The following CCDC172 variants were observed in gnomAD, a reference collection of about 807,000 sequenced individuals.
CCDC172 encodes the protein coiled-coil domain-containing protein 172.
A neutral mutation model predicts 38.0 loss-of-function variants in CCDC172; 30 were observed. The ratio of observed to expected loss-of-function variants is 0.79; its 90% confidence interval spans 0.59 to 1.07. CCDC172 has a LOEUF of 1.07. CCDC172 is among the 50% of genes least tolerant of loss of function. The pLI is 0.00. For synonymous variants in CCDC172, 78 were observed against 88.3 expected, an observed-to-expected ratio of 0.88 and a Z score of 0.66; for missense variants, 297 against 290.1, an observed-to-expected ratio of 1.02 and a Z score of -0.17.
intron 8 of CCDC172, 24 bp from the exon 9 acceptor site, chr10:116,379,299 G>A (rs1312509645): frequency 6.7e-7 from 1 of 1,487,398 alleles, no homozygotes. Context: ...TTCCTCATGA[G>A]TAATTACTAT....
At chr10:116,356,015 C>T (rs968389895) in intron 5 of CCDC172, among the ~76,000 whole-genome samples, 1 of 151,978 alleles carries the variant, frequency 6.6e-6, no homozygotes, top group Non-Finnish European at 1.5e-5. Context: ...TAAAAGGAAC[C>T]AAAGGGGCTC....
At chr10:116,373,711 G>A (rs576734368) in intron 7 of CCDC172, among the ~76,000 whole-genome samples, 1 of 152,138 alleles carries the variant, frequency 6.6e-6, no homozygotes, top group East Asian at 1.9e-4. Context: ...CCCCATGTTG[G>A]CCAGGTCGGT....
At chr10:116,329,724 C>T (rs1005611790) in intron 3 of CCDC172, among the ~76,000 whole-genome samples, 18 of 152,142 alleles carry the variant, frequency 1.2e-4, no homozygotes, top group Admixed American at 1.2e-3. Context: ...GCAAAAGCAG[C>T]AGTGAGTAAA....
chr10:116,370,169 C>T (rs571256691), intron 7 of CCDC172, among the ~76,000 whole-genome samples: 7 of 149,088 alleles, frequency 4.7e-5, no homozygotes, highest in East Asian at 4.5e-4. Flanking sequence ...ACTTTACTTA[C>T]GGTGGTTTTT....
chr10:116,352,621 TGATAGA>T (rs1282873160), intron 5 of CCDC172, among the ~76,000 whole-genome samples: 1 of 152,108 alleles, frequency 6.6e-6, no homozygotes, highest in Non-Finnish European at 1.5e-5. Flanking sequence ...TTCCTCAATC[TGATAGA>T]GGGCATCTAT....
At chr10:116,325,778 C>G (rs764221014) in intron 3 of CCDC172, among the ~76,000 whole-genome samples, 1 of 152,202 alleles carries the variant, frequency 6.6e-6, no homozygotes, top group African/African-American at 2.4e-5. Context: ...AAATTTCAAA[C>G]AAGCCCCTGC....
At chr10:116,342,957 C>CTCT (rs914043153) in intron 5 of CCDC172, among the ~76,000 whole-genome samples, 165 of 152,024 alleles carry the variant, frequency 1.1e-3, no homozygotes, top group African/African-American at 3.7e-3. Flanking sequence ...AAGTAAATCT[C>CTCT]TCTTCTTCTT....
Position 116,325,326 on chromosome 10 carries a change from C to T in CCDC172, c.103C>T (p.Arg35Cys), listed in dbSNP as rs868026474. The change falls in exon 3 of 9, where the codon CGT becomes TGT. Residue 35 changes from arginine to cysteine, a missense_variant. Physicochemically the swap from Arg to Cys is radical, Grantham distance 180. Transcript: ENST00000333254. Reference protein sequence around the residue: ...REVRSEITRCREKIKKATEEL... With the variant: ...REVRSEITRCCEKIKKATEEL... ...AGTAAGGTCGGAAATAACCAGATGTCGTGAAAAAATTAAGAAAGCAACGGA... is the reference window on the plus strand; with the variant it reads ...AGTAAGGTCGGAAATAACCAGATGTTGTGAAAAAATTAAGAAAGCAACGGA... The T allele has an allele frequency of 2.5e-6, 4 of 1,612,810 alleles. No homozygotes were observed. Among genetic ancestry groups the T allele is most frequent in the East Asian group, 2.2e-5 (1 of 44,834 alleles).
intron 7 of CCDC172, among the ~76,000 whole-genome samples, chr10:116,367,297 G>A (rs934078936): frequency 6.6e-6 from 1 of 152,100 alleles, no homozygotes; most frequent in African/African-American, 2.4e-5. Context: ...ATGAGGTGAT[G>A]GATATACAAA....
chr10:116,329,931 A>G (rs768500699), intron 3 of CCDC172, among the ~76,000 whole-genome samples: 26 of 152,214 alleles, frequency 1.7e-4, no homozygotes, highest in Non-Finnish European at 3.4e-4. Context: ...ATTGTGTACG[A>G]TCACATGGGT....
intron 5 of CCDC172, 27 bp downstream of exon 5, chr10:116,342,228 CT>C (rs968397006): frequency 1.3e-6 from 2 of 1,506,200 alleles, no homozygotes; most frequent in African/African-American, 3.0e-5. Context: ...CCTCATTTGT[CT>C]TGCATTAATG....
At position 116,340,828 on chromosome 10, in the gene CCDC172, G is replaced by C. The variant is rs776516928; in HGVS notation, c.260G>C (p.Arg87Thr). ...CAGTACAGTGAAATTACAAACCATAGGAATATGCTTCTTCAAACCTTTGTA... is the reference window on the plus strand; with the variant it reads ...CAGTACAGTGAAATTACAAACCATACGAATATGCTTCTTCAAACCTTTGTA... ...EKQYSEITNH[R>T]NMLLQTFEAI... is the part of the protein sequence containing the mutation. The change falls in exon 4 of 9, where the codon AGG (arginine) becomes ACG (threonine). Residue 87 changes from arginine to threonine, a missense_variant. Coordinates refer to ENST00000333254, the MANE Select transcript of CCDC172 (RefSeq NM_198515.3). 1.2e-5 allele frequency: 19 copies of C among 1,571,628 alleles called. No individual in the cohort carries two copies. The highest frequency in any genetic ancestry group is 1.4e-5 in the Non-Finnish European group (16 of 1,145,268).
At chr10:116,334,382 A>G (rs1217149125) in intron 3 of CCDC172, among the ~76,000 whole-genome samples, 1 of 152,198 alleles carries the variant, frequency 6.6e-6, no homozygotes, top group East Asian at 1.9e-4. Flanking sequence ...AAATTATTCC[A>G]AAAATAGAAA....
At chr10:116,345,311 T>C (rs1170911112) in intron 5 of CCDC172, among the ~76,000 whole-genome samples, 1 of 152,150 alleles carries the variant, frequency 6.6e-6, no homozygotes, top group Non-Finnish European at 1.5e-5. Flanking sequence ...CAATGATCCT[T>C]AACTCTTCAC....
intron 5 of CCDC172, among the ~76,000 whole-genome samples, chr10:116,357,023 G>A (rs1485756829): frequency 6.6e-6 from 1 of 152,158 alleles, no homozygotes; most frequent in Admixed American, 6.5e-5. Flanking sequence ...ATGAGAAAAC[G>A]TTAATAATTG....
rs560858549 is a variant in CCDC172 at position 116,339,008 on chromosome 10, A to T, written c.166-1726A>T. 2.6e-5 allele frequency among the ~76,000 whole-genome samples: 4 copies of T among 152,098 alleles called. No homozygotes were observed. In the South Asian group the frequency reaches 8.3e-4, roughly 32 times the overall value. ...GGTCTCTAAAGCATTTTTTGTGGAC[A>T]TTCCTGGGCAGTGTCCACAGCAGTA... On this transcript the variant is annotated intron_variant, in intron 3 of 8. Coordinates refer to ENST00000333254, the MANE Select transcript of CCDC172 (RefSeq NM_198515.3).
chr10:116,379,713 A>G lies in CCDC172; in HGVS notation c.*355A>G, dbSNP rs12261290. 0.12 allele frequency: 19,577 copies of G among 164,898 alleles called. 1,869 individuals carry two copies. The highest frequency in any genetic ancestry group is 0.27 in the African/African-American group (11,114 of 41,922). 10.2% of individuals were successfully genotyped at this position (164,898 alleles called of 1,614,324 possible). A position where few individuals can be genotyped will look rare whatever the true frequency, so the allele number is the denominator to read the frequency against. On this transcript the variant is annotated 3_prime_UTR_variant, in exon 9 of 9. Coordinates refer to ENST00000333254, the MANE Select transcript of CCDC172 (RefSeq NM_198515.3). Reference sequence around the variant, plus strand: ...GGATCTGTGTCCATGCCCAAATCTCATGTTGAATTGTGATCCCCACTGTTG... The same window carrying G: ...GGATCTGTGTCCATGCCCAAATCTCGTGTTGAATTGTGATCCCCACTGTTG...
chr10:116,345,179 A>G (rs1359883609), intron 5 of CCDC172, among the ~76,000 whole-genome samples: 7 of 152,238 alleles, frequency 4.6e-5, no homozygotes, highest in Non-Finnish European at 1.5e-5. Flanking sequence ...GGAACAGAAG[A>G]GTCCAGAAAT....
intron 5 of CCDC172, among the ~76,000 whole-genome samples, chr10:116,349,803 G>A (rs1844909672): frequency 6.6e-6 from 1 of 152,120 alleles, no homozygotes; most frequent in Non-Finnish European, 1.5e-5. Flanking sequence ...GTATGAGAGA[G>A]GGAGGGAGTG....
Sources: gnomAD v4.1 joint callset for allele counts (sites outside exome capture counted in the v4.1 genomes callset) on GRCh38, gnomAD v4.1.1 for gene constraint, MANE v1.5 for transcripts, NCBI Gene and HGNC (gene_info 2026-07-23, HGNC 2026-07-21) for gene names.